The following PCBP3 variants were observed in gnomAD, a reference collection of about 807,000 sequenced individuals.
PCBP3 encodes the protein poly(rC) binding protein 3.
In PCBP3, 25 loss-of-function variants were observed where a neutral mutation model predicts 52.7. That is an observed-to-expected ratio of 0.47 (90% confidence interval 0.35 to 0.66). The LOEUF is 0.66. PCBP3 is among the 30% of genes least tolerant of loss of function. PCBP3 has a pLI of 0.01. For missense variants in PCBP3, 391 were observed against 490.3 expected (o/e 0.80, Z 1.91); for synonymous variants, 162 against 183.0 (o/e 0.89, Z 0.93).
At chr21:45,888,587 C>T (rs2330328) in intron 5 of PCBP3, among the ~76,000 whole-genome samples, 29,497 of 152,268 alleles carry the variant, frequency 0.19, 3,537 homozygotes, top group African/African-American at 0.35. Context: ...TGCTCCACAG[C>T]GACACAGCAC....
At chr21:45,937,230 C>A (rs2076979658) in intron 16 of PCBP3, among the ~76,000 whole-genome samples, 1 of 152,254 alleles carries the variant, frequency 6.6e-6, no homozygotes, top group Non-Finnish European at 1.5e-5. Flanking sequence ...GAGGCAGGGA[C>A]TCCTGAGACT....
At chr21:45,874,948 AGAGTGGCTGGAGGCAGGAGTGCTGCAG>A (rs2095194789) in intron 5 of PCBP3, among the ~76,000 whole-genome samples, 1 of 152,274 alleles carries the variant, frequency 6.6e-6, no homozygotes, top group East Asian at 1.9e-4. Flanking sequence ...TCCCAAACCG[AGAGTGGCTGGAGGCAGGAGTGCTGCAG>A]GAGTGCCTGG....
chr21:45,682,797 A>G (rs1400466251), intron 2 of PCBP3, among the ~76,000 whole-genome samples: 1 of 152,168 alleles, frequency 6.6e-6, no homozygotes, highest in Non-Finnish European at 1.5e-5. Flanking sequence ...GAAACATGCC[A>G]ATTATACAGC....
chr21:45,677,682 C>T (rs2081555749), intron 2 of PCBP3, among the ~76,000 whole-genome samples: 1 of 152,180 alleles, frequency 6.6e-6, no homozygotes, highest in Non-Finnish European at 1.5e-5. Context: ...TTTGTTAGGG[C>T]CTAATGCAGC....
intron 1 of PCBP3, among the ~76,000 whole-genome samples, chr21:45,655,144 G>T (rs905613792): frequency 1.3e-5 from 2 of 151,998 alleles, no homozygotes; most frequent in Admixed American, 1.3e-4. Flanking sequence ...TTTTTTGGCT[G>T]TTATGAACAA....
intron 2 of PCBP3, among the ~76,000 whole-genome samples, chr21:45,713,081 G>A (rs1417601872): frequency 6.6e-6 from 1 of 152,172 alleles, no homozygotes; most frequent in Non-Finnish European, 1.5e-5. Context: ...TTTGCAGGAA[G>A]CTACAGAGGC....
chr21:45,734,225 T>C (rs2085679560), intron 2 of PCBP3, among the ~76,000 whole-genome samples: 1 of 152,194 alleles, frequency 6.6e-6, no homozygotes, highest in Non-Finnish European at 1.5e-5. Context: ...GCAAGGCTCC[T>C]GCAGCCTAGT....
intron 2 of PCBP3, among the ~76,000 whole-genome samples, chr21:45,699,682 G>A (rs1437434041): frequency 6.6e-6 from 1 of 152,214 alleles, no homozygotes; most frequent in African/African-American, 2.4e-5. Flanking sequence ...GAAGGTGAAA[G>A]GCATGTCTCA....
chr21:45,772,110 GT>G (rs2089917460), intron 4 of PCBP3, among the ~76,000 whole-genome samples: 1 of 152,154 alleles, frequency 6.6e-6, no homozygotes, highest in African/African-American at 2.4e-5. Context: ...ATACAATATA[GT>G]TTTGTTAAAT....
intron 4 of PCBP3, among the ~76,000 whole-genome samples, chr21:45,759,099 A>G (rs1245201335): frequency 6.6e-6 from 1 of 152,154 alleles, no homozygotes; most frequent in Non-Finnish European, 1.5e-5. Flanking sequence ...ATCTATATTC[A>G]TGGGGGATTT....
At chr21:45,794,908 G>A (rs1308449591) in intron 4 of PCBP3, among the ~76,000 whole-genome samples, 1 of 149,986 alleles carries the variant, frequency 6.7e-6, no homozygotes, top group African/African-American at 2.5e-5. Context: ...CAGCCCGGGC[G>A]ACAGAGCCAG....
chr21:45,677,928 A>G (rs984599254), intron 2 of PCBP3, among the ~76,000 whole-genome samples: 1 of 152,222 alleles, frequency 6.6e-6, no homozygotes, highest in Admixed American at 6.5e-5. Context: ...CGGTCACCCA[A>G]GAGCTCTGAT....
At chr21:45,726,038 G>A (rs1649397138) in intron 2 of PCBP3, among the ~76,000 whole-genome samples, 1 of 152,122 alleles carries the variant, frequency 6.6e-6, no homozygotes, top group African/African-American at 2.4e-5. Flanking sequence ...TGCAGGTTTG[G>A]TACGGAGGCT....
At chr21:45,890,395 G>C (rs1449048173) in intron 5 of PCBP3, among the ~76,000 whole-genome samples, 3 of 152,220 alleles carry the variant, frequency 2.0e-5, no homozygotes, top group Non-Finnish European at 4.4e-5. Flanking sequence ...CTGCTGAGGG[G>C]AATGTAGATA....
At chr21:45,757,460 T>C (rs2088171544) in intron 4 of PCBP3, among the ~76,000 whole-genome samples, 1 of 152,250 alleles carries the variant, frequency 6.6e-6, no homozygotes, top group Non-Finnish European at 1.5e-5. Flanking sequence ...ATCAGTTTTC[T>C]TTCATTTAGT....
rs902504696 is a variant in PCBP3, at chr21:45,853,241, C to T, written c.10+3146C>T. ...TCTCCTTGTTGTGCTCCGTGGATGT[C>T]GGGGTGGAAGGTGACCTCAGTGCCC... On this transcript the variant is annotated intron_variant, in intron 5 of 17. Coordinates refer to ENST00000681687, the MANE Select transcript of PCBP3 (RefSeq NM_001384156.1). This position sits in a 1 kb window ranked among gnomAD's most constrained non-coding sequence, Gnocchi z 4.6. Among the ~76,000 whole-genome samples, 8 of 152,118 alleles carry T rather than the reference C, an allele frequency of 5.3e-5. No homozygotes were observed. Among genetic ancestry groups the T allele is most frequent in the Non-Finnish European group, 8.8e-5 (6 of 68,020 alleles).
At chr21:45,885,414 A>G (rs2095494394) in intron 5 of PCBP3, among the ~76,000 whole-genome samples, 1 of 152,122 alleles carries the variant, frequency 6.6e-6, no homozygotes, top group African/African-American at 2.4e-5. Context: ...CTTCTCAAAT[A>G]TGTAGGTTTT....
intron 4 of PCBP3, among the ~76,000 whole-genome samples, chr21:45,835,415 C>T (rs1248439699): frequency 1.3e-5 from 2 of 152,118 alleles, no homozygotes; most frequent in Non-Finnish European, 2.9e-5. Flanking sequence ...GCCGTAGCAC[C>T]TTTAACACTG....
chr21:45,789,910 C>T (rs1403452715), intron 4 of PCBP3, among the ~76,000 whole-genome samples: 4 of 152,108 alleles, frequency 2.6e-5, no homozygotes, highest in Admixed American at 6.5e-5. Context: ...GAGGCCGAGA[C>T]GGGCGGATCA....
Sources: allele counts gnomAD v4.1 joint callset (sites outside exome capture counted in the v4.1 genomes callset), GRCh38; gene constraint gnomAD v4.1.1; non-coding constraint Gnocchi (gnomAD v3.1); transcripts MANE v1.5; gene names NCBI Gene and HGNC (gene_info 2026-07-23, HGNC 2026-07-21).